Variants in CACNA1B observed in about 807,000 individuals in gnomAD.
CACNA1B encodes voltage-dependent N-type calcium channel subunit alpha-1B.
In CACNA1B, 70 loss-of-function variants were observed where a neutral mutation model predicts 247.2. That is an observed-to-expected ratio of 0.28 (90% CI 0.23 to 0.35). CACNA1B has a LOEUF of 0.35. Ranked by LOEUF, CACNA1B falls within the 10% of genes least tolerant of loss-of-function variation. CACNA1B has a pLI of 1.00. For missense variants in CACNA1B, 2,367 were observed against 3,197.4 expected (o/e 0.74, Z 6.26); for synonymous variants, 1,231 against 1,294.4 (o/e 0.95, Z 1.05).
intron 31 of CACNA1B, among the ~76,000 whole-genome samples, chr9:138,062,566 C>T (rs1431609242): frequency 3.9e-5 from 6 of 152,156 alleles, no homozygotes; most frequent in African/African-American, 1.2e-4. Context: ...TCATAGACAG[C>T]GATGTCTCTT....
chr9:137,898,201 T>A (rs1957193752), intron 3 of CACNA1B, among the ~76,000 whole-genome samples: 1 of 152,242 alleles, frequency 6.6e-6, no homozygotes, highest in Non-Finnish European at 1.5e-5. Context: ...GAGTTGTTTT[T>A]CCAAATAGAA....
intron 6 of CACNA1B, among the ~76,000 whole-genome samples, chr9:137,951,440 A>T (rs1201545238): frequency 6.6e-6 from 1 of 152,130 alleles, no homozygotes; most frequent in Non-Finnish European, 1.5e-5. Flanking sequence ...GTCTTGGTGG[A>T]GTCCATCCCA....
intron 16 of CACNA1B, 86 bp downstream of exon 16, chr9:138,006,970 G>A: frequency 2.8e-6 from 2 of 723,978 alleles, no homozygotes; most frequent in Non-Finnish European, 5.0e-6. Flanking sequence ...CCTCCAGGAG[G>A]ACTAGGGGCC....
chr9:138,006,737 G>A (rs199938582), intron 15 of CACNA1B, 30 bp from the exon 16 acceptor site: 69 of 1,330,698 alleles, frequency 5.2e-5, no homozygotes, highest in Middle Eastern at 1.8e-4. Context: ...GGCCATGGGG[G>A]CTTGCCCTGT....
At chr9:137,961,258 A>T (rs184413470) in intron 10 of CACNA1B, among the ~76,000 whole-genome samples, 6 of 152,270 alleles carry the variant, frequency 3.9e-5, no homozygotes, top group Admixed American at 3.9e-4. Context: ...GTATCCTGAG[A>T]CTTAGCTGAA....
In CACNA1B at chr9:138,112,412, C is replaced by T. The variant is rs1296747976; in HGVS notation, c.5443C>T (p.His1815Tyr). 1.2e-6 allele frequency: 2 copies of T among 1,612,748 alleles called. No individual in the cohort carries two copies. Among genetic ancestry groups the T allele is most frequent in the African/African-American group, 1.3e-5 (1 of 74,920 alleles). Residue 1815 changes from histidine (H) to tyrosine (Y), a missense_variant, in exon 40 of 47, where the codon CAT becomes TAT. His to Tyr is a moderately conservative substitution (Grantham distance 83). Around this residue, in one of 12 missense-constraint regions of CACNA1B, gnomAD observed 773 missense variants for 779.4 expected, o/e 0.99. Coordinates refer to ENST00000371372, the MANE Select transcript of CACNA1B (RefSeq NM_000718.4). ...TCCTGGTGCAGCTGGGACAAAGCAG[C>T]ATCAGTGTGACGCGGAGTTGAGGAA... ...IKLAPAGTKQHQCDAELRKEI... is the reference protein window; with the variant it reads ...IKLAPAGTKQYQCDAELRKEI...
rs997796971 is a variant in CACNA1B at position 138,014,664 on chromosome 9, A to G, written c.2267+1429A>G. Among the ~76,000 whole-genome samples, 1 of 151,964 alleles carries G rather than the reference A, an allele frequency of 6.6e-6. No homozygotes were observed. Among genetic ancestry groups the G allele is most frequent in the Non-Finnish European group, 1.5e-5 (1 of 67,976 alleles). Reference sequence around the variant, plus strand: ...TGGGTGGTCTGCAGTAGATGGGGCGAGTGGTGTGTTCAGCTCCTGGCCTCG... The same window carrying G: ...TGGGTGGTCTGCAGTAGATGGGGCGGGTGGTGTGTTCAGCTCCTGGCCTCG... On this transcript the variant is annotated intron_variant, in intron 18 of 46. Coordinates refer to ENST00000371372, the MANE Select transcript of CACNA1B (RefSeq NM_000718.4). This position sits in a 1 kb window ranked among gnomAD's most constrained non-coding sequence, Gnocchi z 6.2.
At chr9:137,922,885 C>T (rs1957503277) in intron 6 of CACNA1B, among the ~76,000 whole-genome samples, 1 of 152,154 alleles carries the variant, frequency 6.6e-6, no homozygotes, top group Non-Finnish European at 1.5e-5. Flanking sequence ...GCATCTCCAT[C>T]CCTGCAGGGG....
chr9:138,088,943 G>A (rs1187704254), intron 36 of CACNA1B, among the ~76,000 whole-genome samples: 1 of 87,068 alleles, frequency 1.1e-5, no homozygotes, highest in Non-Finnish European at 2.2e-5. Flanking sequence ...TGGACAACAA[G>A]AGCAAAACTC....
In CACNA1B at chr9:137,917,147, C is replaced by A. The variant is rs988043964; in HGVS notation, c.776-94C>A. The A allele has an allele frequency of 3.4e-6, 4 of 1,165,040 alleles. No homozygotes were observed. The highest frequency in any genetic ancestry group is 2.0e-4 in the Middle Eastern group (1 of 4,930). 72.2% of individuals were successfully genotyped at this position (1,165,040 alleles called of 1,614,324 possible). On this transcript the variant is annotated intron_variant, in intron 5 of 46. Transcript: ENST00000371372. This position sits in a 1 kb window ranked among gnomAD's most constrained non-coding sequence, Gnocchi z 5.5. ...CTGTTGGTGGCTGGTTCCTGCCCACCTGCTGTGAGCTCTCCAGAGCCCAGG... is the reference window on the plus strand; with the variant it reads ...CTGTTGGTGGCTGGTTCCTGCCCACATGCTGTGAGCTCTCCAGAGCCCAGG...
intron 8 of CACNA1B, among the ~76,000 whole-genome samples, chr9:137,956,168 G>A (rs1564206826): frequency 1.3e-5 from 2 of 152,188 alleles, no homozygotes; most frequent in South Asian, 2.1e-4. Context: ...TCCACATGGG[G>A]CATCCACTCA....
At chr9:137,943,815 C>T (rs182199563) in intron 6 of CACNA1B, among the ~76,000 whole-genome samples, 1 of 152,262 alleles carries the variant, frequency 6.6e-6, no homozygotes, top group East Asian at 1.9e-4. Flanking sequence ...CTCTAGATGT[C>T]CCAGTAGGTA....
intron 37 of CACNA1B, chr9:138,101,290 C>G: frequency 2.1e-6 from 1 of 467,238 alleles, no homozygotes; most frequent in Non-Finnish European, 4.4e-6. Context: ...AATGACGACG[C>G]CTCACCTTTC....
intron 12 of CACNA1B, among the ~76,000 whole-genome samples, chr9:137,977,638 G>T (rs1231292247): frequency 2.0e-5 from 3 of 152,180 alleles, no homozygotes; most frequent in Non-Finnish European, 4.4e-5. Context: ...TAGGGATATG[G>T]CACTGTCGGC....
rs1956949758 is a variant in CACNA1B at position 137,882,996 on chromosome 9, C to T, written c.530+113C>T. On this transcript the variant is annotated intron_variant, in intron 3 of 46. Transcript: ENST00000371372. The surrounding 1 kb of genome is among the most constrained non-coding windows in gnomAD (Gnocchi z 4.0). ...TGCAGTCCCCTCACTGGGGTCCCCTCACAGCCCTGCTGGAGATGAACGAAT... is the reference window on the plus strand; with the variant it reads ...TGCAGTCCCCTCACTGGGGTCCCCTTACAGCCCTGCTGGAGATGAACGAAT... 4 of 1,133,322 alleles carry T rather than the reference C, an allele frequency of 3.5e-6. No homozygotes were observed. The highest frequency in any genetic ancestry group is 4.7e-5 in the East Asian group (2 of 42,604). 70.2% of individuals were successfully genotyped at this position (1,133,322 alleles called of 1,614,324 possible). A position where few individuals can be genotyped will look rare whatever the true frequency, so the allele number is the denominator to read the frequency against.
At chr9:137,930,731 T>G (rs913785339) in intron 6 of CACNA1B, among the ~76,000 whole-genome samples, 32 of 152,322 alleles carry the variant, frequency 2.1e-4, no homozygotes, top group African/African-American at 7.2e-4. Context: ...TCTTTTCAGT[T>G]CTGTCAGTTT....
chr9:138,078,038 C>A, intron 35 of CACNA1B, 76 bp from the exon 36 acceptor site: 1 of 1,370,604 alleles, frequency 7.3e-7, no homozygotes, highest in South Asian at 1.2e-5. Flanking sequence ...AAGGAGTGGG[C>A]ACGCTTGGTA....
intron 12 of CACNA1B, among the ~76,000 whole-genome samples, chr9:137,982,778 G>A (rs867271112): frequency 6.6e-6 from 1 of 152,222 alleles, no homozygotes; most frequent in Non-Finnish European, 1.5e-5. Context: ...AAGAACAGAT[G>A]GCACTCTTGG....
chr9:138,057,088 A>C lies in CACNA1B; in HGVS notation c.3969-644A>C, dbSNP rs1321547965. ...GTAGCTGGGACTATAGGCGCCCGCC[A>C]CCACGCCCGGCTAATTATTTTTGTA... On this transcript the variant is annotated intron_variant, in intron 26 of 46. Transcript: ENST00000371372. The surrounding 1 kb of genome is among the most constrained non-coding windows in gnomAD (Gnocchi z 4.0). Among the ~76,000 whole-genome samples, 2 of 151,812 alleles carry C rather than the reference A, an allele frequency of 1.3e-5. No homozygotes were observed. The highest frequency in any genetic ancestry group is 2.9e-5 in the Non-Finnish European group (2 of 67,974).
Sources: allele counts gnomAD v4.1 joint callset (sites outside exome capture counted in the v4.1 genomes callset), GRCh38; gene constraint gnomAD v4.1.1; regional missense constraint gnomAD v4.1.1; non-coding constraint Gnocchi (gnomAD v3.1); transcripts MANE v1.5; gene names NCBI Gene and HGNC (gene_info 2026-07-23, HGNC 2026-07-21).